Variants in PTPRD observed in about 807,000 individuals in gnomAD.
The protein encoded by PTPRD is protein tyrosine phosphatase receptor type D, also known as receptor-type tyrosine-protein phosphatase delta.
Under a neutral mutation model 214.5 loss-of-function variants are expected in PTPRD, and 34 were observed. The observed-to-expected ratio is 0.16, with a 90% CI of 0.12 to 0.21. The LOEUF is 0.21. Ranked by LOEUF, PTPRD falls within the 10% of genes least tolerant of loss-of-function variation. The pLI is 1.00. For missense variants in PTPRD, 2,545 were observed against 2,398.7 expected, an observed-to-expected ratio of 1.06 and a Z score of -1.27; for synonymous variants, 1,128 against 845.7, an observed-to-expected ratio of 1.33 and a Z score of -5.79.
At chr9:10,057,556 A>C (rs2097678046) in intron 3 of PTPRD, among the ~76,000 whole-genome samples, 1 of 152,086 alleles carries the variant, frequency 6.6e-6, no homozygotes, top group Non-Finnish European at 1.5e-5. Context: ...AATATCAGTA[A>C]GATTAAAAGG....
intron 2 of PTPRD, among the ~76,000 whole-genome samples, chr9:10,506,277 C>G (rs2045936464): frequency 6.6e-6 from 1 of 151,908 alleles, no homozygotes; most frequent in African/African-American, 2.4e-5. Context: ...TGAAGAATTA[C>G]CATATACCTG....
At chr9:9,594,533 C>G (rs890876768) in intron 7 of PTPRD, among the ~76,000 whole-genome samples, 2 of 152,008 alleles carry the variant, frequency 1.3e-5, no homozygotes, top group East Asian at 3.9e-4. Flanking sequence ...ATAGGGTGTC[C>G]TTTCCCAATT....
chr9:8,762,991 A>G (rs1330993733), intron 11 of PTPRD, among the ~76,000 whole-genome samples: 1 of 152,112 alleles, frequency 6.6e-6, no homozygotes, highest in Non-Finnish European at 1.5e-5. Flanking sequence ...AGGCTATCCA[A>G]TGAGTCTCTG....
chr9:10,147,705 C>A (rs1278445933), intron 3 of PTPRD, among the ~76,000 whole-genome samples: 1 of 152,110 alleles, frequency 6.6e-6, no homozygotes, highest in East Asian at 1.9e-4. Context: ...TATGGTAAAA[C>A]CCCGTCTCTA....
intron 9 of PTPRD, among the ~76,000 whole-genome samples, chr9:9,276,506 A>T (rs1158528878): frequency 6.6e-6 from 1 of 151,260 alleles, no homozygotes; most frequent in Non-Finnish European, 1.5e-5. Context: ...CAATTGAGAG[A>T]CAACCTCTAG....
At chr9:8,749,738 T>C (rs577542071) in intron 11 of PTPRD, among the ~76,000 whole-genome samples, 5 of 152,204 alleles carry the variant, frequency 3.3e-5, no homozygotes, top group Non-Finnish European at 7.3e-5. Flanking sequence ...CCTTCATTCT[T>C]TTATTCCATG....
chr9:9,814,744 T>C (rs1485545370), intron 5 of PTPRD, among the ~76,000 whole-genome samples: 1 of 148,568 alleles, frequency 6.7e-6, no homozygotes, highest in Non-Finnish European at 1.5e-5. Context: ...AAATAAAAAA[T>C]ACAATTCTAA....
intron 3 of PTPRD, among the ~76,000 whole-genome samples, chr9:10,052,610 A>T (rs938788633): frequency 6.6e-6 from 1 of 152,138 alleles, no homozygotes; most frequent in African/African-American, 2.4e-5. Context: ...GGTTATTACC[A>T]TCTCTATTTA....
chr9:8,861,613 G>C (rs898553438), intron 11 of PTPRD: 2 of 152,142 alleles, frequency 1.3e-5, no homozygotes, highest in African/African-American at 2.4e-5. Context: ...GACACAGTGA[G>C]TGGCCAAGCT....
chr9:10,303,436 C>T (rs1263007557), intron 3 of PTPRD, among the ~76,000 whole-genome samples: 3 of 131,650 alleles, frequency 2.3e-5, no homozygotes, highest in African/African-American at 3.4e-5. Context: ...GAGATAGAAA[C>T]ACAAAAAAAA....
At chr9:8,575,561 T>G (rs1307631928) in intron 14 of PTPRD, among the ~76,000 whole-genome samples, 2 of 152,094 alleles carry the variant, frequency 1.3e-5, no homozygotes, top group Non-Finnish European at 2.9e-5. Context: ...CAGACGATAA[T>G]CTAGACCAGT....
chr9:9,473,194 C>G (rs1348223434), intron 8 of PTPRD, among the ~76,000 whole-genome samples: 1 of 152,148 alleles, frequency 6.6e-6, no homozygotes, highest in Non-Finnish European at 1.5e-5. Flanking sequence ...TTAGTTCTCA[C>G]ATATAACTGA....
At chr9:9,700,264 T>G (rs181141679) in intron 7 of PTPRD, among the ~76,000 whole-genome samples, 128 of 152,256 alleles carry the variant, frequency 8.4e-4, no homozygotes, top group African/African-American at 3.0e-3. Flanking sequence ...AATTTTAATA[T>G]TCCTCTAAAT....
chr9:9,477,185 T>A (rs1425856200), intron 8 of PTPRD, among the ~76,000 whole-genome samples: 1 of 152,228 alleles, frequency 6.6e-6, no homozygotes, highest in African/African-American at 2.4e-5. Flanking sequence ...GACTCCACAA[T>A]ATTTTTATCC....
Position 8,761,030 on chromosome 9 carries a change from A to G in PTPRD, c.-103-27084T>C, listed in dbSNP as rs189626086. 3.7e-4 allele frequency among the ~76,000 whole-genome samples: 56 copies of G among 152,320 alleles called. 1 individual carries two copies. In the East Asian group the frequency reaches 0.011, roughly 29 times the overall value. On this transcript the variant is annotated intron_variant, in intron 11 of 45. Coordinates refer to ENST00000381196, the MANE Select transcript of PTPRD (RefSeq NM_002839.4). ...CACTAAAAGGTTTATAATTTGGGGC[A>G]AGAAGGACACCAAGCTTTTTACATC...
intron 23 of PTPRD, among the ~76,000 whole-genome samples, chr9:8,501,544 C>G (rs540798898): frequency 6.6e-6 from 1 of 152,166 alleles, no homozygotes; most frequent in Admixed American, 6.5e-5. Flanking sequence ...TTGTGAAAGG[C>G]TTCTTAAGTG....
At chr9:9,867,780 T>C (rs1420582990) in intron 5 of PTPRD, among the ~76,000 whole-genome samples, 1 of 151,958 alleles carries the variant, frequency 6.6e-6, no homozygotes, top group Non-Finnish European at 1.5e-5. Flanking sequence ...GCTCAAACAT[T>C]AAAAAGGAAC....
chr9:9,603,520 C>G (rs1051648841), intron 7 of PTPRD, among the ~76,000 whole-genome samples: 1 of 152,172 alleles, frequency 6.6e-6, no homozygotes, highest in Non-Finnish European at 1.5e-5. Context: ...GCGGCATACC[C>G]GGAAGTGAGC....
chr9:9,593,895 T>C (rs2093019294), intron 7 of PTPRD, among the ~76,000 whole-genome samples: 1 of 152,152 alleles, frequency 6.6e-6, no homozygotes, highest in East Asian at 1.9e-4. Flanking sequence ...TCAGTAACTT[T>C]TGTTAGCCAA....
Sources: allele counts gnomAD v4.1 joint callset (sites outside exome capture counted in the v4.1 genomes callset), GRCh38; gene constraint gnomAD v4.1.1; transcripts MANE v1.5; gene names NCBI Gene and HGNC (gene_info 2026-07-23, HGNC 2026-07-21).